Variants in EFL1 observed in about 807,000 individuals in gnomAD.
EFL1 encodes elongation factor-like GTPase 1.
A neutral mutation model predicts 126.7 loss-of-function variants in EFL1; 76 were observed. That is an observed-to-expected ratio of 0.60 (90% CI 0.50 to 0.73). EFL1 has a LOEUF of 0.73. EFL1 is among the 30% of genes least tolerant of loss of function. EFL1 has a pLI of 0.00. For missense variants in EFL1, 1,128 were observed against 1,343.2 expected, an observed-to-expected ratio of 0.84 and a Z score of 2.50; for synonymous variants, 410 against 448.4, an observed-to-expected ratio of 0.91 and a Z score of 1.08.
chr15:82,174,648 C>A (rs2074174893), intron 15 of EFL1, among the ~76,000 whole-genome samples: 2 of 152,126 alleles, frequency 1.3e-5, no homozygotes. Context: ...TGATAGGGAA[C>A]TGGAATGTTT....
chr15:82,162,465 T>C (rs1166501026), intron 16 of EFL1, among the ~76,000 whole-genome samples: 1 of 152,190 alleles, frequency 6.6e-6, no homozygotes, highest in Non-Finnish European at 1.5e-5. Flanking sequence ...CTTTCTTGTA[T>C]GTATTTCTTA....
At chr15:82,190,512 T>A (rs192254333) in intron 15 of EFL1, among the ~76,000 whole-genome samples, 1 of 152,198 alleles carries the variant, frequency 6.6e-6, no homozygotes. Flanking sequence ...GAAGTATCCA[T>A]GTTTGTTTTG....
At chr15:82,200,926 A>G (rs1438214905) in intron 15 of EFL1, among the ~76,000 whole-genome samples, 1 of 152,156 alleles carries the variant, frequency 6.6e-6, no homozygotes, top group Non-Finnish European at 1.5e-5. Flanking sequence ...TCTGTCACCC[A>G]GGCCAGGGTG....
At chr15:82,207,883 A>C (rs963684416) in intron 15 of EFL1, among the ~76,000 whole-genome samples, 2 of 151,998 alleles carry the variant, frequency 1.3e-5, no homozygotes, top group African/African-American at 4.8e-5. Flanking sequence ...CCACACACCC[A>C]GCTAATTTTC....
At chr15:82,156,467 T>C (rs1313571452) in intron 17 of EFL1, among the ~76,000 whole-genome samples, 1 of 152,138 alleles carries the variant, frequency 6.6e-6, no homozygotes, top group East Asian at 1.9e-4. Flanking sequence ...GTATTTTTAG[T>C]AGAGAGGGAG....
At chr15:82,168,170 T>C (rs563564451) in intron 15 of EFL1, among the ~76,000 whole-genome samples, 11 of 152,200 alleles carry the variant, frequency 7.2e-5, no homozygotes, top group Admixed American at 1.3e-4. Context: ...ATCCTCTGTT[T>C]CCAATTTTAT....
At chr15:82,227,878 A>C (rs2074781041) in intron 10 of EFL1, among the ~76,000 whole-genome samples, 1 of 152,252 alleles carries the variant, frequency 6.6e-6, no homozygotes. Context: ...CAGTTATCTA[A>C]CACAAACATC....
intron 4 of EFL1, among the ~76,000 whole-genome samples, chr15:82,250,949 C>T (rs564833598): frequency 2.6e-5 from 4 of 152,298 alleles, no homozygotes; most frequent in East Asian, 1.9e-4. Context: ...CGGTGGCTCC[C>T]GACTGTAATC....
chr15:82,219,466 G>A (rs1201394502), intron 14 of EFL1, among the ~76,000 whole-genome samples, 186 bp downstream of exon 14: 1 of 152,114 alleles, frequency 6.6e-6, no homozygotes, highest in African/African-American at 2.4e-5. Flanking sequence ...TTTCCTAAAT[G>A]CTACTAATTG....
intron 19 of EFL1, among the ~76,000 whole-genome samples, chr15:82,133,281 A>G (rs1201781224): frequency 6.6e-6 from 1 of 152,180 alleles, no homozygotes; most frequent in Non-Finnish European, 1.5e-5. Flanking sequence ...TTCTGGCATT[A>G]TGGTTCTTGC....
At chr15:82,190,334 T>C (rs2074346355) in intron 15 of EFL1, among the ~76,000 whole-genome samples, 1 of 152,244 alleles carries the variant, frequency 6.6e-6, no homozygotes, top group South Asian at 2.1e-4. Flanking sequence ...CAATGCCCTC[T>C]TAATTTTACT....
chr15:82,178,404 C>T (rs1273721109), intron 15 of EFL1, among the ~76,000 whole-genome samples: 1 of 152,308 alleles, frequency 6.6e-6, no homozygotes, highest in Non-Finnish European at 1.5e-5. Flanking sequence ...GCCATAGATA[C>T]ATGAACACTA....
chr15:82,155,839 T>C lies in EFL1; in HGVS notation c.2030+1874A>G, dbSNP rs75190413. On this transcript the variant is annotated intron_variant, in intron 17 of 19. Coordinates refer to ENST00000268206, the MANE Select transcript of EFL1 (RefSeq NM_024580.6). Reference sequence around the variant, plus strand: ...TTCCATCAATTAGTAATAAGTTGAATAGTCTTTCATGTTTATTGGCCTTTG... The same window carrying C: ...TTCCATCAATTAGTAATAAGTTGAACAGTCTTTCATGTTTATTGGCCTTTG... Among the ~76,000 whole-genome samples, 1,226 of 152,356 alleles carry C rather than the reference T, an allele frequency of 8.0e-3. 16 individuals carry two copies. The highest frequency in any genetic ancestry group is 0.028 in the African/African-American group (1,156 of 41,582).
intron 7 of EFL1, among the ~76,000 whole-genome samples, chr15:82,231,437 A>T (rs1299812192): frequency 6.6e-6 from 1 of 152,146 alleles, no homozygotes; most frequent in African/African-American, 2.4e-5. Context: ...AATGGTAAAC[A>T]TACACACACT....
rs1935910990 is a variant in EFL1, at chr15:82,262,684, C to G, written c.-90G>C. On this transcript the variant is annotated 5_prime_UTR_variant, in exon 1 of 20. Transcript: ENST00000268206. ...CCCACACCGAGAGCTTCCGAAAGTC[C>G]GAGAGCTCTGCGGGTCCGACACGCC... 7.7e-5 allele frequency: 45 copies of G among 586,240 alleles called. No homozygotes were observed. The East Asian group carries it at 1.5e-3, about 19-fold the overall frequency. The allele number at this position is 586,240 out of a possible 1,614,324, so 36.3% of individuals were successfully genotyped here.
At chr15:82,146,806 GCCCAA>G (rs2073851376) in intron 18 of EFL1, among the ~76,000 whole-genome samples, 1 of 152,072 alleles carries the variant, frequency 6.6e-6, no homozygotes, top group African/African-American at 2.4e-5. Flanking sequence ...AGGCAGTGAG[GCCCAA>G]TACAGTGACA....
chr15:82,184,195 T>C (rs1457728203), intron 15 of EFL1, among the ~76,000 whole-genome samples: 3 of 152,236 alleles, frequency 2.0e-5, no homozygotes, highest in African/African-American at 7.2e-5. Context: ...CCAACTGCTA[T>C]ATTACTGTGC....
chr15:82,227,625 G>A, intron 10 of EFL1, 53 bp from the exon 11 acceptor site: 3 of 1,611,868 alleles, frequency 1.9e-6, no homozygotes, highest in Non-Finnish European at 2.5e-6. Context: ...TCCCACCAAG[G>A]CGAAGATTCA....
chr15:82,180,400 G>C (rs2074240740), intron 15 of EFL1, among the ~76,000 whole-genome samples: 1 of 137,804 alleles, frequency 7.3e-6, no homozygotes, highest in African/African-American at 2.9e-5. Context: ...AAAAAAACCA[G>C]CCAACCACCA....
Sources: gnomAD v4.1 joint callset for allele counts (sites outside exome capture counted in the v4.1 genomes callset) on GRCh38, gnomAD v4.1.1 for gene constraint, MANE v1.5 for transcripts, NCBI Gene and HGNC (gene_info 2026-07-23, HGNC 2026-07-21) for gene names.